The following HSPBP1 variants were observed in gnomAD, a reference collection of about 807,000 sequenced individuals.
HSPBP1 encodes the protein HSPA (Hsp70) binding protein 1.
HSPBP1 carries 31 observed loss-of-function variants against 41.7 expected under a neutral mutation model. The observed-to-expected ratio is 0.74, with a 90% confidence interval of 0.56 to 1.00. The LOEUF (loss-of-function observed/expected upper bound fraction) is 1.00. HSPBP1 is among the 50% of genes least tolerant of loss of function. HSPBP1 has a pLI of 0.00. For synonymous variants in HSPBP1, 199 were observed against 214.4 expected (o/e 0.93, Z 0.63); for missense variants, 439 against 487.9 (o/e 0.90, Z 0.94).
chr19:55,279,883 A>G (rs2088186450), intron 1 of HSPBP1, 152 bp downstream of exon 1: 2 of 622,098 alleles, frequency 3.2e-6, no homozygotes, highest in African/African-American at 3.8e-5. Context: ...CCCTGGCAAC[A>G]ACCCCCCTTC....
chr19:55,277,890 T>C, intron 2 of HSPBP1, 44 bp from the exon 3 acceptor site: 1 of 1,436,682 alleles, frequency 7.0e-7, no homozygotes, highest in South Asian at 1.4e-5. Context: ...CCATCAGTCA[T>C]TCATTACAAA....
chr19:55,279,723 C>T (rs62126354), intron 1 of HSPBP1, 21 bp from the exon 2 acceptor site: 857,136 of 1,534,658 alleles, frequency 0.56, 243,963 homozygotes, highest in East Asian at 0.92. Flanking sequence ...GGCGGCGTTT[C>T]AGGGGAGCTC....
At chr19:55,277,338 G>A (rs776936785) in intron 3 of HSPBP1, among the ~76,000 whole-genome samples, 3 of 152,158 alleles carry the variant, frequency 2.0e-5, no homozygotes, top group Admixed American at 6.5e-5. Flanking sequence ...ACGTCACCCC[G>A]GGGAGGCCTT....
intron 4 of HSPBP1, among the ~76,000 whole-genome samples, chr19:55,273,679 T>C (rs2087984267): frequency 6.6e-6 from 1 of 152,142 alleles, no homozygotes; most frequent in African/African-American, 2.4e-5. Flanking sequence ...CTCTGCCCTA[T>C]GGAGCTGCAG....
intron 7 of HSPBP1, among the ~76,000 whole-genome samples, chr19:55,264,587 T>A (rs2087723921): frequency 6.6e-6 from 1 of 152,198 alleles, no homozygotes; most frequent in African/African-American, 2.4e-5. Flanking sequence ...TTTTTTGCCA[T>A]TTGTTATTTC....
Position 55,262,468 on chromosome 19 carries a change from G to A in HSPBP1, c.*140C>T, listed in dbSNP as rs141013383. 2,904 of 1,458,462 alleles carry A rather than the reference G, an allele frequency of 2.0e-3. 8 individuals are homozygous for A. The highest frequency in any genetic ancestry group is 2.3e-3 in the Non-Finnish European group (2,571 of 1,103,562). 90.3% of individuals were successfully genotyped at this position (1,458,462 alleles called of 1,614,324 possible). On this transcript the variant is annotated 3_prime_UTR_variant, in exon 8 of 8. Transcript: ENST00000433386. The stretch of plus-strand genomic sequence containing the variant: ...GTGCCTTTCTCAGCGCCCCTTCCAG[G>A]GACTGCACAGAGACGGGCTGGCACA...
rs767481510 is a variant in HSPBP1 at position 55,266,263 on chromosome 19, C to T, written c.664G>A (p.Gly222Arg). 20 of 1,581,140 alleles carry T rather than the reference C, an allele frequency of 1.3e-5. No homozygotes were observed. The Admixed American group carries it at 3.5e-4, about 27-fold the overall frequency. Residue 222 changes from glycine (G) to arginine (R), a missense_variant, in exon 5 of 8, where the codon GGG (glycine) becomes AGG (arginine). Physicochemically the swap from Gly to Arg is moderately radical, Grantham distance 125. Coordinates refer to ENST00000433386, the MANE Select transcript of HSPBP1 (RefSeq NM_012267.5). ...ISCLVREQEA[G>R]LLQFLRLDGF... is the part of the protein sequence containing the mutation. ...TCCAGGCGGAGGAACTGCAGCAGCC[C>T]AGCCTCCTGCTCTCGGACCAGACCT...
intron 7 of HSPBP1, among the ~76,000 whole-genome samples, chr19:55,264,762 C>T (rs778941804): frequency 1.1e-4 from 17 of 152,164 alleles, no homozygotes; most frequent in Admixed American, 2.0e-4. Context: ...TGCTGTCTCT[C>T]CTACTCTGAC....
chr19:55,274,656 T>A, intron 3 of HSPBP1, 34 bp from the exon 4 acceptor site: 1 of 1,562,182 alleles, frequency 6.4e-7, no homozygotes, highest in African/African-American at 1.3e-5. Context: ...AGAGGCCAGA[T>A]GTTAGGGACT....
chr19:55,271,034 C>T (rs2087912097), intron 4 of HSPBP1, among the ~76,000 whole-genome samples: 2 of 151,982 alleles, frequency 1.3e-5, no homozygotes, highest in African/African-American at 2.4e-5. Flanking sequence ...ATCACACACA[C>T]ACCACACACA....
At chr19:55,271,216 CTTT>C (rs375706192) in intron 4 of HSPBP1, among the ~76,000 whole-genome samples, 4 of 145,076 alleles carry the variant, frequency 2.8e-5, no homozygotes, top group Admixed American at 6.9e-5. Flanking sequence ...TATGTAATGA[CTTT>C]TTTTTTTTTT....
intron 3 of HSPBP1, among the ~76,000 whole-genome samples, 168 bp downstream of exon 3, chr19:55,277,474 T>C (rs73621369): frequency 0.021 from 2,970 of 138,714 alleles, 105 homozygotes; most frequent in African/African-American, 0.075. Flanking sequence ...CCACCTGCCA[T>C]GAGGGTGAGG....
chr19:55,269,147 G>A (rs1308009098), intron 4 of HSPBP1, among the ~76,000 whole-genome samples: 3 of 152,046 alleles, frequency 2.0e-5, no homozygotes. Context: ...TTGGTATCTG[G>A]GGCCAGATCA....
In HSPBP1 at chr19:55,272,583, G is replaced by A. The variant is rs556217124; in HGVS notation, c.640+1815C>T. On this transcript the variant is annotated intron_variant, in intron 4 of 7. Transcript: ENST00000433386. The surrounding 1 kb of genome is among the most constrained non-coding windows in gnomAD (Gnocchi z 4.2). ...TGGCCGGGCGCAGTGGCTCACGCCT[G>A]TAATCCCAACACTTTGGGAGGCTGA... Among the ~76,000 whole-genome samples, 41 of 152,290 alleles carry A rather than the reference G, an allele frequency of 2.7e-4. No homozygotes were observed. Among genetic ancestry groups the A allele is most frequent in the Admixed American group, 5.2e-4 (8 of 15,292 alleles).
chr19:55,274,978 A>C (rs761777047), intron 3 of HSPBP1, among the ~76,000 whole-genome samples: 1 of 152,088 alleles, frequency 6.6e-6, no homozygotes, highest in Non-Finnish European at 1.5e-5. Flanking sequence ...GAGAAAATAC[A>C]TTTCTGTTTT....
At chr19:55,274,782 G>C (rs1009027548) in intron 3 of HSPBP1, among the ~76,000 whole-genome samples, 160 bp from the exon 4 acceptor site, 5 of 152,276 alleles carry the variant, frequency 3.3e-5, no homozygotes, top group Non-Finnish European at 7.4e-5. Context: ...GAGGTCCTTA[G>C]GGTGGGCCCT....
chr19:55,277,757 C>A lies in HSPBP1; in HGVS notation c.300G>T (p.Leu100=), dbSNP rs755165446. 1.9e-5 allele frequency: 31 copies of A among 1,607,376 alleles called. No homozygotes were observed. The highest frequency in any genetic ancestry group is 2.5e-5 in the Non-Finnish European group (30 of 1,176,948). Residue 100 remains leucine (L), a synonymous_variant, in exon 3 of 8, where the codon CTG becomes CTT. Transcript: ENST00000433386. The part of the protein sequence containing the change: ...VEQMKSCLRV[L]SQPMPPTAGE... ...CAGCAGTGGGGGGCATGGGCTGTGA[C>A]AGCACTCGGAGGCAGCTCTTCATCT... is the stretch of plus-strand genomic sequence containing the variant.
chr19:55,274,627 G>A lies in HSPBP1; in HGVS notation c.416-5C>T. 1 of 1,600,454 alleles carries A rather than the reference G, an allele frequency of 6.2e-7. No individual in the cohort carries two copies. Among genetic ancestry groups the A allele is most frequent in the Non-Finnish European group, 8.5e-7 (1 of 1,176,310 alleles). On this transcript the variant is annotated splice_region_variant and splice_polypyrimidine_tract_variant and intron_variant, in intron 3 of 7. Coordinates refer to ENST00000433386, the MANE Select transcript of HSPBP1 (RefSeq NM_012267.5). ...TGCCAGACAGCTGGCAGAAGTCTGT[G>A]CCACAGAGGGGAGCAGAGAGAGGCC...
In HSPBP1 at chr19:55,265,920, G is replaced by A. The variant is rs1466154109; in HGVS notation, c.859C>T (p.Pro287Ser). The A allele has an allele frequency of 1.2e-6, 2 of 1,608,566 alleles. No individual in the cohort carries two copies. Among genetic ancestry groups the A allele is most frequent in the Non-Finnish European group, 8.5e-7 (1 of 1,178,496 alleles). ...LVALVRTEHSPFHEHVLGALC... is the reference protein window; with the variant it reads ...LVALVRTEHSSFHEHVLGALC... ...GCTCCAAGCACGTGCTCGTGGAAGG[G>A]GCTGTGCTCTGTCCGCACCAGGGCC... is the stretch of plus-strand genomic sequence containing the variant. Residue 287 changes from proline (P) to serine (S), a missense_variant, in exon 6 of 8, where the codon CCC becomes TCC. Pro to Ser is a moderately conservative substitution (Grantham distance 74, BLOSUM62 -1). Coordinates refer to ENST00000433386, the MANE Select transcript of HSPBP1 (RefSeq NM_012267.5).
Sources: allele counts gnomAD v4.1 joint callset (sites outside exome capture counted in the v4.1 genomes callset), GRCh38; gene constraint gnomAD v4.1.1; non-coding constraint Gnocchi (gnomAD v3.1); transcripts MANE v1.5; gene names NCBI Gene and HGNC (gene_info 2026-07-23, HGNC 2026-07-21).